BMP6: variants seen among roughly 807,000 people sequenced by gnomAD.
BMP6 encodes the protein VG-1-R.
A neutral mutation model predicts 54.1 loss-of-function variants in BMP6; 17 were observed. The ratio of observed to expected loss-of-function variants is 0.31; its 90% CI spans 0.22 to 0.47. The LOEUF (loss-of-function observed/expected upper bound fraction) is 0.47. Ranked by LOEUF, BMP6 falls within the 20% of genes least tolerant of loss-of-function variation. The pLI, the probability that BMP6 is intolerant of heterozygous loss-of-function variation, is 1.00. For missense variants in BMP6, 720 were observed against 690.4 expected, an observed-to-expected ratio of 1.04 and a Z score of -0.48; for synonymous variants, 328 against 291.2, an observed-to-expected ratio of 1.13 and a Z score of -1.28.
chr6:7,850,223 A>C (rs907235192), intron 2 of BMP6, among the ~76,000 whole-genome samples: 1 of 152,006 alleles, frequency 6.6e-6, no homozygotes, highest in African/African-American at 2.4e-5. Context: ...GCTCACTGCA[A>C]GCTCCACCTC....
At chr6:7,794,053 C>T (rs984255596) in intron 1 of BMP6, among the ~76,000 whole-genome samples, 3 of 152,224 alleles carry the variant, frequency 2.0e-5, no homozygotes, top group African/African-American at 7.2e-5. Flanking sequence ...AAGCTCTGTC[C>T]ATGGGTAAGG....
At position 7,861,607 on chromosome 6, in the gene BMP6, A is replaced by G. The variant is rs375358886; in HGVS notation, c.1006+8A>G. On this transcript the variant is annotated splice_region_variant and intron_variant, in intron 3 of 6. Coordinates refer to ENST00000283147, the MANE Select transcript of BMP6 (RefSeq NM_001718.6). Reference sequence around the variant, plus strand: ...GCGTGGTGACAAGGGATGGTAAGTTATTATCCGCAAGCCTCCAACGTCCAG... The same window carrying G: ...GCGTGGTGACAAGGGATGGTAAGTTGTTATCCGCAAGCCTCCAACGTCCAG... The G allele has an allele frequency of 1.2e-6, 2 of 1,613,700 alleles. No homozygotes were observed. The highest frequency in any genetic ancestry group is 2.7e-5 in the African/African-American group (2 of 74,906).
chr6:7,854,229 G>T (rs1164106580), intron 2 of BMP6, among the ~76,000 whole-genome samples: 1 of 152,150 alleles, frequency 6.6e-6, no homozygotes, highest in Non-Finnish European at 1.5e-5. Flanking sequence ...GGTTACGTGT[G>T]TCTCCATACT....
At chr6:7,845,457 A>G in intron 2 of BMP6, 125 bp downstream of exon 2, 2 of 802,910 alleles carry the variant, frequency 2.5e-6, no homozygotes, top group South Asian at 5.2e-5. Context: ...TGTGAGTACG[A>G]TGAGGTGGGT....
chr6:7,752,933 G>C (rs756979851), intron 1 of BMP6, among the ~76,000 whole-genome samples: 1 of 152,070 alleles, frequency 6.6e-6, no homozygotes, highest in Non-Finnish European at 1.5e-5. Flanking sequence ...CCTACACCTA[G>C]CCTCCAGGGA....
At chr6:7,871,306 A>G (rs970601505) in intron 4 of BMP6, among the ~76,000 whole-genome samples, 2 of 152,238 alleles carry the variant, frequency 1.3e-5, no homozygotes, top group African/African-American at 2.4e-5. Context: ...GAAGCAGTTT[A>G]TTAAATGGGA....
chr6:7,827,468 G>C (rs13210984), intron 1 of BMP6, among the ~76,000 whole-genome samples: 3,860 of 152,278 alleles, frequency 0.025, 56 homozygotes, highest in Middle Eastern at 0.037. Context: ...ACCTTTGGCT[G>C]GTCACTTTAT....
At chr6:7,861,706 T>C (rs1363891397) in intron 3 of BMP6, 107 bp downstream of exon 3, 4 of 1,467,382 alleles carry the variant, frequency 2.7e-6, no homozygotes, top group Non-Finnish European at 3.7e-6. Context: ...GTCCTCAGCT[T>C]CAGGATGGCC....
intron 1 of BMP6, among the ~76,000 whole-genome samples, chr6:7,809,995 C>T (rs1035301231): frequency 7.2e-5 from 11 of 152,118 alleles, no homozygotes; most frequent in African/African-American, 2.7e-4. Flanking sequence ...ACCTATTCTG[C>T]ACAGCTAGAG....
Position 7,879,167 on chromosome 6 carries a change from C to T in BMP6, c.1281+17C>T, listed in dbSNP as rs564912073. The T allele has an allele frequency of 2.3e-5, 37 of 1,605,398 alleles. No homozygotes were observed. The highest frequency in any genetic ancestry group is 1.6e-4 in the Middle Eastern group (1 of 6,064). On this transcript the variant is annotated intron_variant, in intron 5 of 6. Coordinates refer to ENST00000283147, the MANE Select transcript of BMP6 (RefSeq NM_001718.6). ...GGATGGCAGGTGAGTTCTCTGGACA[C>T]GGGGGATAAAGGTCCTTTCTCAGCA...
At chr6:7,836,984 CA>C (rs958402328) in intron 1 of BMP6, among the ~76,000 whole-genome samples, 2 of 151,740 alleles carry the variant, frequency 1.3e-5, no homozygotes, top group Non-Finnish European at 2.9e-5. Flanking sequence ...GACCATGTTT[CA>C]AAAAAAATTT....
chr6:7,836,734 C>G (rs1434928987), intron 1 of BMP6, among the ~76,000 whole-genome samples: 6 of 152,128 alleles, frequency 3.9e-5, no homozygotes, highest in African/African-American at 1.4e-4. Context: ...AATACAAATA[C>G]TTAGAAATAT....
At chr6:7,763,776 GA>G (rs914340782) in intron 1 of BMP6, among the ~76,000 whole-genome samples, 5 of 151,320 alleles carry the variant, frequency 3.3e-5, no homozygotes, top group South Asian at 2.1e-4. Context: ...TAAAAGGAAA[GA>G]AAAAAAAATC....
chr6:7,867,454 G>A (rs1330665330), intron 4 of BMP6, among the ~76,000 whole-genome samples: 1 of 152,222 alleles, frequency 6.6e-6, no homozygotes, highest in Non-Finnish European at 1.5e-5. Flanking sequence ...AGTCCAGACT[G>A]GGGGTCTCAT....
chr6:7,841,269 A>G (rs752104940), intron 1 of BMP6, among the ~76,000 whole-genome samples: 4 of 152,224 alleles, frequency 2.6e-5, no homozygotes, highest in Non-Finnish European at 5.9e-5. Flanking sequence ...TTGTGACTGC[A>G]TCTGGCCCCA....
At chr6:7,809,687 A>G (rs1026516840) in intron 1 of BMP6, among the ~76,000 whole-genome samples, 1 of 152,226 alleles carries the variant, frequency 6.6e-6, no homozygotes, top group African/African-American at 2.4e-5. Flanking sequence ...ATAGGCGAAC[A>G]TGGTTATTAC....
At chr6:7,853,648 C>G (rs192194671) in intron 2 of BMP6, among the ~76,000 whole-genome samples, 2 of 152,314 alleles carry the variant, frequency 1.3e-5, no homozygotes, top group African/African-American at 4.8e-5. Flanking sequence ...CTGTGCCCAG[C>G]CACACCTTTT....
At position 7,862,379 on chromosome 6, in the gene BMP6, T is replaced by G; in HGVS notation, c.1085T>G (p.Phe362Cys). The G allele has an allele frequency of 2.5e-6, 4 of 1,614,180 alleles. No homozygotes were observed. Among genetic ancestry groups the G allele is most frequent in the South Asian group, 1.1e-5 (1 of 91,084 alleles). ...GACAAGCAGCCCTTCATGGTGGCTT[T>G]CTTCAAAGTGAGTGAGGTGCACGTG... ...PYDKQPFMVA[F>C]FKVSEVHVRT... Residue 362 changes from phenylalanine (F) to cysteine (C), a missense_variant, in exon 4 of 7, where the codon TTC becomes TGC. Phe to Cys is a radical substitution (Grantham distance 205). Transcript: ENST00000283147.
intron 1 of BMP6, among the ~76,000 whole-genome samples, chr6:7,732,077 C>A (rs1197114564): frequency 1.3e-5 from 2 of 152,262 alleles, no homozygotes; most frequent in East Asian, 3.9e-4. Flanking sequence ...GGAATACTCC[C>A]TACTTGTATT....
Sources: allele counts gnomAD v4.1 joint callset (sites outside exome capture counted in the v4.1 genomes callset), GRCh38; gene constraint gnomAD v4.1.1; transcripts MANE v1.5; gene names NCBI Gene and HGNC (gene_info 2026-07-23, HGNC 2026-07-21).